The following USP20 variants were observed in gnomAD, a reference collection of about 807,000 sequenced individuals.
USP20 encodes the protein ubiquitin specific peptidase 20, also known as ubiquitin carboxyl-terminal hydrolase 20.
A neutral mutation model predicts 124.2 loss-of-function variants in USP20; 80 were observed. The ratio of observed to expected loss-of-function variants is 0.64; its 90% confidence interval spans 0.54 to 0.78. The LOEUF is 0.78. USP20 is among the 30% of genes least tolerant of loss of function. The pLI, the probability that USP20 is intolerant of heterozygous loss-of-function variation, is 0.00. For synonymous variants in USP20, 481 were observed against 512.3 expected (o/e 0.94, Z 0.83); for missense variants, 1,043 against 1,244.4 (o/e 0.84, Z 2.44).
rs762463780 is a variant in USP20, at chr9:129,839,614, C to T, written c.-129+4115C>T. Among the ~76,000 whole-genome samples, 8 of 151,902 alleles carry T rather than the reference C, an allele frequency of 5.3e-5. No individual in the cohort carries two copies. Among genetic ancestry groups the T allele is most frequent in the African/African-American group, 1.9e-4 (8 of 41,312 alleles). On this transcript the variant is annotated intron_variant, in intron 1 of 25. Coordinates refer to ENST00000372429, the MANE Select transcript of USP20 (RefSeq NM_001110303.4). The surrounding 1 kb of genome is among the most constrained non-coding windows in gnomAD (Gnocchi z 4.5). Reference sequence around the variant, plus strand: ...GGGGACTGTGGAGGGGGTGGGCACACACCCTGTGCGGGGCTGGGGGTGTGA... The same window carrying T: ...GGGGACTGTGGAGGGGGTGGGCACATACCCTGTGCGGGGCTGGGGGTGTGA...
intron 12 of USP20, 104 bp downstream of exon 12, chr9:129,869,106 G>C: frequency 4.8e-6 from 7 of 1,464,456 alleles, no homozygotes; most frequent in Admixed American, 2.4e-5. Context: ...CGGGCTATGG[G>C]CTCCTCTCAG....
At chr9:129,858,740 G>C (rs2033355784) in intron 6 of USP20, 142 bp downstream of exon 6, 1 of 1,268,018 alleles carries the variant, frequency 7.9e-7, no homozygotes, top group Admixed American at 2.3e-5. Flanking sequence ...AGGTGACTTT[G>C]AGGAGCTCAC....
intron 17 of USP20, among the ~76,000 whole-genome samples, 176 bp from the exon 18 acceptor site, chr9:129,874,400 G>A (rs1444220475): frequency 6.6e-6 from 1 of 152,172 alleles, no homozygotes; most frequent in African/African-American, 2.4e-5. Flanking sequence ...CAGTGGAGCT[G>A]GGAGTGATCT....
intron 12 of USP20, 86 bp downstream of exon 12, chr9:129,869,088 C>T (rs530079674): frequency 1.2e-5 from 18 of 1,484,024 alleles, no homozygotes; most frequent in South Asian, 7.9e-5. Flanking sequence ...CCCCCTGTGG[C>T]GGAGGGCCGG....
At chr9:129,840,788 G>C (rs1240306206) in intron 1 of USP20, among the ~76,000 whole-genome samples, 1 of 41,494 alleles carries the variant, frequency 2.4e-5, no homozygotes, top group Non-Finnish European at 4.8e-5. Flanking sequence ...TTTTTTTTTT[G>C]AGATAGGGTC....
Position 129,835,498 on chromosome 9 carries a change from A to G in USP20, c.-130A>G, listed in dbSNP as rs2031739326. 2.8e-6 allele frequency: 1 copy of G among 355,970 alleles called. No individual in the cohort carries two copies. The highest frequency in any genetic ancestry group is 5.1e-6 in the Non-Finnish European group (1 of 197,782). 22.1% of individuals were successfully genotyped at this position (355,970 alleles called of 1,614,324 possible). On this transcript the variant is annotated splice_region_variant and 5_prime_UTR_variant, in exon 1 of 26. Transcript: ENST00000372429. ...GCGGCGGCGGCGCAGTTGCGAGTGC[A>G]GGTGAGTTCCGGGCCGCCACCGGCT...
chr9:129,877,658 G>A (rs1456016213), intron 22 of USP20, among the ~76,000 whole-genome samples: 2 of 151,510 alleles, frequency 1.3e-5, no homozygotes, highest in Middle Eastern at 3.4e-3. Context: ...TGATTGCGCC[G>A]CTGCACTCCC....
At chr9:129,861,104 CAG>C in intron 7 of USP20, 71 bp downstream of exon 7, 1 of 1,423,226 alleles carries the variant, frequency 7.0e-7, no homozygotes, top group Non-Finnish European at 9.9e-7. Context: ...TGGAAACCGC[CAG>C]AGTCTTGGTC....
intron 1 of USP20, among the ~76,000 whole-genome samples, chr9:129,846,441 A>G (rs1353370102): frequency 1.3e-5 from 2 of 149,342 alleles, no homozygotes; most frequent in Non-Finnish European, 3.0e-5. Context: ...AATTTTTTGT[A>G]GAGATGGGGT....
At chr9:129,844,978 T>A (rs1028984006) in intron 1 of USP20, among the ~76,000 whole-genome samples, 4 of 151,520 alleles carry the variant, frequency 2.6e-5, no homozygotes, top group Non-Finnish European at 5.9e-5. Flanking sequence ...AGCCCAGGAG[T>A]TCAAGACCAG....
At chr9:129,864,546 C>T (rs1277792202) in intron 9 of USP20, among the ~76,000 whole-genome samples, 4 of 150,314 alleles carry the variant, frequency 2.7e-5, no homozygotes, top group Admixed American at 6.6e-5. Context: ...GAGGCCGAGG[C>T]GGGTGGATCG....
intron 1 of USP20, among the ~76,000 whole-genome samples, chr9:129,846,622 CTTT>C (rs11378286): frequency 3.0e-5 from 4 of 132,402 alleles, no homozygotes; most frequent in Non-Finnish European, 3.2e-5. Context: ...AAGTTACTGT[CTTT>C]TTTTTTTTTT....
chr9:129,876,760 C>T (rs868171205), intron 22 of USP20, among the ~76,000 whole-genome samples: 24 of 152,188 alleles, frequency 1.6e-4, no homozygotes, highest in South Asian at 4.1e-4. Flanking sequence ...CCTCATCGCC[C>T]GGGTGCTGTT....
At chr9:129,847,306 T>C (rs1257515970) in intron 1 of USP20, among the ~76,000 whole-genome samples, 1 of 150,668 alleles carries the variant, frequency 6.6e-6, no homozygotes, top group Non-Finnish European at 1.5e-5. Flanking sequence ...ACACTTTTTT[T>C]TTTTTTTTTT....
intron 1 of USP20, among the ~76,000 whole-genome samples, chr9:129,846,842 G>C (rs904219987): frequency 2.6e-5 from 4 of 151,678 alleles, no homozygotes; most frequent in African/African-American, 9.7e-5. Context: ...GCCCAGGCTG[G>C]TCTCAAACTC....
intron 1 of USP20, among the ~76,000 whole-genome samples, chr9:129,844,355 G>T (rs2032408771): frequency 6.6e-6 from 1 of 152,090 alleles, no homozygotes; most frequent in Non-Finnish European, 1.5e-5. Flanking sequence ...GTTGGGCATG[G>T]TGGCTCACGC....
intron 12 of USP20, 85 bp from the exon 13 acceptor site, chr9:129,869,225 C>T: frequency 7.0e-7 from 1 of 1,419,792 alleles, no homozygotes. Context: ...TGTCACTCCA[C>T]ATCCTGTCAA....
At chr9:129,870,373 C>A in intron 14 of USP20, 80 bp from the exon 15 acceptor site, 2 of 1,481,746 alleles carry the variant, frequency 1.3e-6, no homozygotes, top group Non-Finnish European at 1.9e-6. Flanking sequence ...TCAGGCCTGA[C>A]AGACCTCAGC....
chr9:129,837,032 AC>A (rs2031894720), intron 1 of USP20, among the ~76,000 whole-genome samples: 1 of 152,246 alleles, frequency 6.6e-6, no homozygotes, highest in Non-Finnish European at 1.5e-5. Context: ...GTCCCAGGGT[AC>A]AGATGAGCTG....
Sources: gnomAD v4.1 joint callset for allele counts (sites outside exome capture counted in the v4.1 genomes callset) on GRCh38, gnomAD v4.1.1 for gene constraint, Gnocchi (gnomAD v3.1) non-coding constraint, MANE v1.5 for transcripts, NCBI Gene and HGNC (gene_info 2026-07-23, HGNC 2026-07-21) for gene names.